Variants in OXSR1 observed in about 807,000 individuals in gnomAD.
OXSR1 encodes the protein serine/threonine-protein kinase OSR1.
Under a neutral mutation model 79.8 loss-of-function variants are expected in OXSR1, and 24 were observed. The observed-to-expected ratio is 0.30, with a 90% CI of 0.22 to 0.42. The LOEUF is 0.42. OXSR1 is among the 10% of genes least tolerant of loss of function. OXSR1 has a pLI of 1.00. For synonymous variants in OXSR1, 226 were observed against 209.2 expected (o/e 1.08, Z -0.69); for missense variants, 430 against 618.4 (o/e 0.70, Z 3.23).
chr3:38,220,759 T>C (rs943983616), intron 5 of OXSR1, among the ~76,000 whole-genome samples: 5 of 152,174 alleles, frequency 3.3e-5, no homozygotes, highest in African/African-American at 1.2e-4. Context: ...GAGACTAATA[T>C]AGGCCTACTT....
At chr3:38,211,114 C>T (rs1702377763) in intron 4 of OXSR1, among the ~76,000 whole-genome samples, 1 of 152,200 alleles carries the variant, frequency 6.6e-6, no homozygotes, top group Non-Finnish European at 1.5e-5. Context: ...GTCTCTTTGA[C>T]CCTCTGCTAC....
At chr3:38,246,863 G>C (rs1266364778) in intron 13 of OXSR1, among the ~76,000 whole-genome samples, 1 of 152,012 alleles carries the variant, frequency 6.6e-6, no homozygotes, top group Non-Finnish European at 1.5e-5. Flanking sequence ...TATGGTACAT[G>C]GTTAAAGTAA....
At chr3:38,216,699 A>G (rs1455679608) in intron 5 of OXSR1, among the ~76,000 whole-genome samples, 1 of 152,168 alleles carries the variant, frequency 6.6e-6, no homozygotes, top group Non-Finnish European at 1.5e-5. Context: ...GACTGTACCC[A>G]GGGATTGTCT....
chr3:38,181,117 C>CT (rs74541704), intron 1 of OXSR1, among the ~76,000 whole-genome samples: 3,386 of 142,366 alleles, frequency 0.024, 113 homozygotes, highest in African/African-American at 0.077. Context: ...AGGCTTTGTT[C>CT]TTTTTTTTTT....
At chr3:38,187,067 A>G (rs1701898925) in intron 2 of OXSR1, among the ~76,000 whole-genome samples, 1 of 152,208 alleles carries the variant, frequency 6.6e-6, no homozygotes, top group African/African-American at 2.4e-5. Context: ...ATCAGTGGCA[A>G]AGAGACTAGT....
At chr3:38,229,847 T>A in intron 9 of OXSR1, 112 bp downstream of exon 9, 1 of 821,876 alleles carries the variant, frequency 1.2e-6, no homozygotes, top group Non-Finnish European at 2.1e-6. Context: ...TGATGGTAGA[T>A]AAAATAATTG....
intron 14 of OXSR1, among the ~76,000 whole-genome samples, chr3:38,249,536 G>A (rs969363506): frequency 1.3e-5 from 2 of 152,064 alleles, no homozygotes; most frequent in African/African-American, 2.4e-5. Flanking sequence ...CATTTTATGA[G>A]TCTGCCAAGA....
At chr3:38,222,170 G>A (rs1385294392) in intron 6 of OXSR1, among the ~76,000 whole-genome samples, 1 of 152,160 alleles carries the variant, frequency 6.6e-6, no homozygotes, top group African/African-American at 2.4e-5. Flanking sequence ...TATGGGAATG[G>A]CTGAACATAC....
intron 1 of OXSR1, among the ~76,000 whole-genome samples, chr3:38,169,792 A>G (rs1474644405): frequency 4.7e-5 from 7 of 149,970 alleles, no homozygotes. Context: ...GGTGGAGTGC[A>G]GTGTCATGAT....
chr3:38,234,956 CATT>C (rs1397756809), intron 10 of OXSR1, among the ~76,000 whole-genome samples: 9 of 152,200 alleles, frequency 5.9e-5, no homozygotes, highest in Non-Finnish European at 1.2e-4. Flanking sequence ...CCCTTTCAAA[CATT>C]ATGCTAGTTT....
At chr3:38,242,925 T>G (rs993782216) in intron 12 of OXSR1, 147 bp downstream of exon 12, 4 of 431,930 alleles carry the variant, frequency 9.3e-6, no homozygotes, top group African/African-American at 8.1e-5. Context: ...GCGTAAGGGC[T>G]CAGAATGTTC....
chr3:38,228,571 T>G (rs1702738575), intron 8 of OXSR1, among the ~76,000 whole-genome samples: 1 of 151,408 alleles, frequency 6.6e-6, no homozygotes, highest in Admixed American at 6.6e-5. Flanking sequence ...TTGGTTTTGT[T>G]TGTTCGTTTG....
chr3:38,190,782 T>C lies in OXSR1; in HGVS notation c.235T>C (p.Tyr79His). Residue 79 changes from tyrosine (Y) to histidine (H), a missense_variant, in exon 3 of 18, where the codon TAC becomes CAC. Tyr to His is a moderately conservative substitution (Grantham distance 83, BLOSUM62 2). Coordinates refer to ENST00000311806, the MANE Select transcript of OXSR1 (RefSeq NM_005109.3). ...CCATCATCCTAATATTGTATCTTAC[T>C]ACACATCTTTTGTGGTAAAAGATGA... ...QCHHPNIVSY[Y>H]TSFVVKDELW... is the part of the protein sequence containing the mutation. The C allele has an allele frequency of 6.2e-7, 1 of 1,610,262 alleles. No individual in the cohort carries two copies. The highest frequency in any genetic ancestry group is 2.2e-5 in the East Asian group (1 of 44,850).
intron 10 of OXSR1, among the ~76,000 whole-genome samples, chr3:38,230,954 C>T (rs934117519): frequency 2.0e-5 from 3 of 152,160 alleles, no homozygotes; most frequent in African/African-American, 4.8e-5. Flanking sequence ...AGAAGAAAAT[C>T]CTCCCTTTTC....
chr3:38,217,373 CTT>C (rs1162079331), intron 5 of OXSR1, among the ~76,000 whole-genome samples: 3 of 152,164 alleles, frequency 2.0e-5, no homozygotes. Flanking sequence ...TACTGTTAGA[CTT>C]TTGCTCCTAG....
chr3:38,220,635 C>T (rs897892554), intron 5 of OXSR1, among the ~76,000 whole-genome samples: 5 of 152,166 alleles, frequency 3.3e-5, no homozygotes, highest in African/African-American at 7.2e-5. Context: ...CAAATCTAGC[C>T]TCAGAATGGG....
chr3:38,250,151 T>C (rs1703226697), intron 15 of OXSR1, 133 bp downstream of exon 15: 3 of 640,534 alleles, frequency 4.7e-6, no homozygotes, highest in Middle Eastern at 3.7e-4. Flanking sequence ...TTGGCGAGTA[T>C]ATGAGTGAGA....
At chr3:38,204,164 C>T (rs541450404) in intron 4 of OXSR1, among the ~76,000 whole-genome samples, 55 of 152,304 alleles carry the variant, frequency 3.6e-4, no homozygotes, top group African/African-American at 1.3e-3. Context: ...CAGTGTTCAG[C>T]TGGGGCCCAA....
At chr3:38,212,608 A>G (rs1241994893) in intron 4 of OXSR1, among the ~76,000 whole-genome samples, 2 of 152,214 alleles carry the variant, frequency 1.3e-5, no homozygotes, top group African/African-American at 2.4e-5. Context: ...GATGAGTAAT[A>G]AAAATGTTAT....
Sources: allele counts gnomAD v4.1 joint callset (sites outside exome capture counted in the v4.1 genomes callset), GRCh38; gene constraint gnomAD v4.1.1; transcripts MANE v1.5; gene names NCBI Gene and HGNC (gene_info 2026-07-23, HGNC 2026-07-21).